Variants in PNO1 observed in about 807,000 individuals in gnomAD.
PNO1 encodes the protein partner of NOB1 homolog.
PNO1 carries 16 observed loss-of-function variants against 28.4 expected under a neutral mutation model. The ratio of observed to expected loss-of-function variants is 0.56; its 90% confidence interval spans 0.38 to 0.85. The LOEUF is 0.85. Among genes scored for constraint, PNO1 ranks in the 40% least tolerant of loss-of-function variants. The pLI, the probability that PNO1 is intolerant of heterozygous loss-of-function variation, is 0.00. For missense variants in PNO1, 304 were observed against 312.2 expected, an observed-to-expected ratio of 0.97 and a Z score of 0.20; for synonymous variants, 115 against 110.8, an observed-to-expected ratio of 1.04 and a Z score of -0.24.
At chr2:68,167,186 G>C (rs185582111) in intron 5 of PNO1, among the ~76,000 whole-genome samples, 2 of 152,304 alleles carry the variant, frequency 1.3e-5, no homozygotes, top group East Asian at 3.9e-4. Flanking sequence ...CCATAGAGTA[G>C]TGTGTGTAAT....
At position 68,158,422 on chromosome 2, in the gene PNO1, A is replaced by G; in HGVS notation, c.250A>G (p.Arg84Gly). 6.2e-7 allele frequency: 1 copy of G among 1,613,390 alleles called. No homozygotes were observed. The highest frequency in any genetic ancestry group is 8.5e-7 in the Non-Finnish European group (1 of 1,179,634). ...ETRKIPVPAN[R>G]YTPLKENWMK... The stretch of plus-strand genomic sequence containing the variant: ...AAGGAAAATTCCAGTCCCAGCTAAC[A>G]GATACACACCATTGAAAGAAAACTG... Residue 84 changes from arginine (R) to glycine (G), a missense_variant, in exon 2 of 7, where the codon AGA becomes GGA. Transcript: ENST00000263657.
chr2:68,171,354 C>G (rs575564360), intron 5 of PNO1, among the ~76,000 whole-genome samples: 1 of 152,326 alleles, frequency 6.6e-6, no homozygotes, highest in South Asian at 2.1e-4. Context: ...CAGCCATCAT[C>G]CTGGGTTCCC....
At chr2:68,158,672 C>A in intron 2 of PNO1, 143 bp downstream of exon 2, 2 of 641,660 alleles carry the variant, frequency 3.1e-6, no homozygotes, top group South Asian at 2.5e-5. Flanking sequence ...TGAGTTTGAA[C>A]TTCCCAAATG....
At chr2:68,174,000 C>T (rs745639745) in intron 6 of PNO1, among the ~76,000 whole-genome samples, 13 of 152,152 alleles carry the variant, frequency 8.5e-5, no homozygotes, top group Admixed American at 1.3e-4. Context: ...AAAACCATTC[C>T]AGAATAGCAG....
chr2:68,162,256 A>G lies in PNO1; in HGVS notation c.442-9A>G. On this transcript the variant is annotated splice_polypyrimidine_tract_variant and intron_variant, in intron 3 of 6. Coordinates refer to ENST00000263657, the MANE Select transcript of PNO1 (RefSeq NM_020143.4). ...AAGGGGCTTCACGGTGTTTGTTTTT[A>G]TATTATAGGATGCACTTGCCCTCAT... The G allele has an allele frequency of 6.2e-7, 1 of 1,604,452 alleles. No individual in the cohort carries two copies. The highest frequency in any genetic ancestry group is 8.5e-7 in the Non-Finnish European group (1 of 1,173,072).
chr2:68,161,125 C>G, intron 2 of PNO1: 1 of 457,036 alleles, frequency 2.2e-6, no homozygotes, highest in South Asian at 1.6e-5. Flanking sequence ...CAGTGGTAGG[C>G]TTTTTATGAA....
chr2:68,166,511 G>A (rs1674001131), intron 5 of PNO1, among the ~76,000 whole-genome samples: 1 of 152,166 alleles, frequency 6.6e-6, no homozygotes, highest in African/African-American at 2.4e-5. Context: ...AGGAAGAGGG[G>A]TTAATCTTGC....
At chr2:68,159,501 G>A (rs999696918) in intron 2 of PNO1, among the ~76,000 whole-genome samples, 2 of 151,492 alleles carry the variant, frequency 1.3e-5, no homozygotes, top group African/African-American at 4.9e-5. Flanking sequence ...CTGCCCCACC[G>A]AGCCTATGTA....
chr2:68,163,883 A>C (rs1486645665), intron 5 of PNO1, among the ~76,000 whole-genome samples: 1 of 152,156 alleles, frequency 6.6e-6, no homozygotes. Flanking sequence ...CAGAGATTAT[A>C]TAATGCCATG....
At chr2:68,161,510 A>C in intron 2 of PNO1, 173 bp from the exon 3 acceptor site, 1 of 591,686 alleles carries the variant, frequency 1.7e-6, no homozygotes, top group South Asian at 2.0e-5. Context: ...TTTGTTTTGC[A>C]AATAAAGTAC....
At chr2:68,165,525 G>A (rs1379582865) in intron 5 of PNO1, among the ~76,000 whole-genome samples, 7 of 119,826 alleles carry the variant, frequency 5.8e-5, no homozygotes, top group South Asian at 3.0e-4. Context: ...CAGCCTGGGC[G>A]ACAGAGTGAG....
intron 5 of PNO1, among the ~76,000 whole-genome samples, chr2:68,163,888 G>A (rs545471319): frequency 6.6e-6 from 1 of 152,274 alleles, no homozygotes; most frequent in Non-Finnish European, 1.5e-5. Flanking sequence ...ATTATATAAT[G>A]CCATGAAGTT....
Position 68,158,477 on chromosome 2 carries a change from A to T in PNO1, c.305A>T (p.His102Leu), listed in dbSNP as rs762379536. 1 of 1,613,878 alleles carries T rather than the reference A, an allele frequency of 6.2e-7. No individual in the cohort carries two copies. The highest frequency in any genetic ancestry group is 1.7e-5 in the Admixed American group (1 of 60,010). ...AAGATATTTACTCCTATTGTGGAAC[A>T]TTTGGGACTTCAGATACGCTTTAAC... ...WMKIFTPIVE[H>L]LGLQIRFNLK... Residue 102 changes from histidine to leucine, a missense_variant, in exon 2 of 7, where the codon CAT becomes CTT. Physicochemically the swap from His to Leu is moderately conservative, Grantham distance 99. Coordinates refer to ENST00000263657, the MANE Select transcript of PNO1 (RefSeq NM_020143.4).
intron 5 of PNO1, among the ~76,000 whole-genome samples, chr2:68,168,667 A>G (rs72892462): frequency 0.022 from 3,401 of 152,228 alleles, 89 homozygotes; most frequent in African/African-American, 0.07. Flanking sequence ...TTACAATTTG[A>G]TATCTTATTG....
rs1184191788 is a variant in PNO1 at position 68,170,563 on chromosome 2, C to T, written c.621-2784C>T. On this transcript the variant is annotated intron_variant, in intron 5 of 6. Transcript: ENST00000263657. The stretch of plus-strand genomic sequence containing the variant: ...GAGATCGAGACCATCCTGGCTAACA[C>T]GGTGAAACCCCGTCTCTACTAAAAA... Among the ~76,000 whole-genome samples, 8 of 152,046 alleles carry T rather than the reference C, an allele frequency of 5.3e-5. 1 individual carries two copies. In the South Asian group the frequency reaches 1.2e-3, roughly 24 times the overall value.
At chr2:68,170,218 G>A (rs778199287) in intron 5 of PNO1, among the ~76,000 whole-genome samples, 78 of 152,152 alleles carry the variant, frequency 5.1e-4, no homozygotes, top group Non-Finnish European at 2.4e-4. Flanking sequence ...TAAGTATAAT[G>A]TGAGCCAGAT....
chr2:68,168,622 G>A (rs1674051579), intron 5 of PNO1, among the ~76,000 whole-genome samples: 1 of 152,176 alleles, frequency 6.6e-6, no homozygotes, highest in African/African-American at 2.4e-5. Flanking sequence ...TAGGGTGTAT[G>A]ACTTAACCCT....
In PNO1 at chr2:68,158,510, C is replaced by A; in HGVS notation, c.338C>A (p.Ser113Ter). 1 of 1,612,990 alleles carries A rather than the reference C, an allele frequency of 6.2e-7. No homozygotes were observed. The highest frequency in any genetic ancestry group is 8.5e-7 in the Non-Finnish European group (1 of 1,179,516). The change falls in exon 2 of 7, where the codon TCA (serine) becomes TAA (stop). Residue 113 changes from serine to a stop codon, truncating the protein, a stop_gained. Coordinates refer to ENST00000263657, the MANE Select transcript of PNO1 (RefSeq NM_020143.4). LOFTEE classifies it high-confidence loss of function. ...LGLQIRFNLK[S>*]RNVEIRTCKE... ...CTTCAGATACGCTTTAACTTGAAAT[C>A]AAGGAATGTAGAAATCAGGGTAAGG...
intron 3 of PNO1, among the ~76,000 whole-genome samples, chr2:68,162,036 G>GTAGCTGGGGATTCTCCCA (rs1210638695): frequency 1.3e-5 from 2 of 152,080 alleles, no homozygotes; most frequent in African/African-American, 4.8e-5. Context: ...CTACTTGGGA[G>GTAGCTGGGGATTCTCCCA]GCTGAGGTGG....
Sources: allele counts gnomAD v4.1 joint callset (sites outside exome capture counted in the v4.1 genomes callset), GRCh38; gene constraint gnomAD v4.1.1; transcripts MANE v1.5; gene names NCBI Gene and HGNC (gene_info 2026-07-23, HGNC 2026-07-21).